Variants in TP53BP2 observed in about 807,000 individuals in gnomAD.
TP53BP2 encodes apoptosis-stimulating of p53 protein 2.
A neutral mutation model predicts 126.2 loss-of-function variants in TP53BP2; 62 were observed. The ratio of observed to expected loss-of-function variants is 0.49; its 90% CI spans 0.40 to 0.61. The LOEUF (loss-of-function observed/expected upper bound fraction) is 0.61, where lower values mean the gene tolerates loss of function less well. Ranked by LOEUF, TP53BP2 falls within the 20% of genes least tolerant of loss-of-function variation. The pLI is 0.00. For missense variants in TP53BP2, 1,215 were observed against 1,402.8 expected (o/e 0.87, Z 2.14); for synonymous variants, 485 against 502.9 (o/e 0.96, Z 0.48).
chr1:223,798,160 C>T (rs1185875146), intron 12 of TP53BP2, 55 bp downstream of exon 12: 3 of 1,525,636 alleles, frequency 2.0e-6, no homozygotes, highest in Non-Finnish European at 2.7e-6. Context: ...TGAGGGATGG[C>T]TTAAGTTCTG....
chr1:223,837,425 G>C (rs1443313021), intron 1 of TP53BP2, among the ~76,000 whole-genome samples: 1 of 152,078 alleles, frequency 6.6e-6, no homozygotes, highest in African/African-American at 2.4e-5. Context: ...ATAGGAAGGA[G>C]CTTGTGGATA....
At chr1:223,828,140 T>C (rs1382880944) in intron 1 of TP53BP2, among the ~76,000 whole-genome samples, 1 of 152,188 alleles carries the variant, frequency 6.6e-6, no homozygotes, top group African/African-American at 2.4e-5. Context: ...AATAAAACTG[T>C]TAAATCTAAG....
chr1:223,786,064 A>T (rs892834139), intron 16 of TP53BP2, among the ~76,000 whole-genome samples: 1 of 152,180 alleles, frequency 6.6e-6, no homozygotes, highest in East Asian at 1.9e-4. Flanking sequence ...ATAAAAAGAT[A>T]AACTGTGCAG....
rs1662345811 is a variant in TP53BP2 at position 223,796,913 on chromosome 1, CA to C, written c.1949-324del. On this transcript the variant is annotated intron_variant, in intron 12 of 17. Coordinates refer to ENST00000343537, the MANE Select transcript of TP53BP2 (RefSeq NM_001031685.3). This position sits in a 1 kb window ranked among gnomAD's most constrained non-coding sequence, Gnocchi z 4.2. ...ACAAAATGTGAAAAACATTTAGATG[CA>C]ATGAAAACAGATAATCCTCATGTGT... Among the ~76,000 whole-genome samples, 3 of 152,132 alleles carry C rather than the reference CA, an allele frequency of 2.0e-5. No individual in the cohort carries two copies.
At chr1:223,793,262 ACT>A (rs1371972169) in intron 14 of TP53BP2, 39 bp downstream of exon 14, 2 of 1,442,900 alleles carry the variant, frequency 1.4e-6, no homozygotes, top group Admixed American at 2.4e-5. Context: ...ACAGAGCGAG[ACT>A]CTGACTCAAA....
chr1:223,797,398 A>AAT (rs143672993), intron 12 of TP53BP2, among the ~76,000 whole-genome samples: 16,476 of 150,804 alleles, frequency 0.11, 1,042 homozygotes, highest in African/African-American at 0.18. Flanking sequence ...TACAGTAGAG[A>AAT]ATATATATAT....
intron 3 of TP53BP2, among the ~76,000 whole-genome samples, chr1:223,811,739 A>G (rs1662913385): frequency 6.6e-6 from 1 of 152,218 alleles, no homozygotes; most frequent in East Asian, 1.9e-4. Flanking sequence ...CTTAATCGAG[A>G]GGTCTAGACC....
At chr1:223,837,872 C>A (rs954789549) in intron 1 of TP53BP2, among the ~76,000 whole-genome samples, 3 of 152,086 alleles carry the variant, frequency 2.0e-5, no homozygotes, top group Admixed American at 6.6e-5. Context: ...GCTGACAGGT[C>A]TTTTGCTTCG....
chr1:223,820,086 G>C (rs1663247679), intron 2 of TP53BP2, among the ~76,000 whole-genome samples: 1 of 152,174 alleles, frequency 6.6e-6, no homozygotes, highest in Non-Finnish European at 1.5e-5. Context: ...CTCTCCAGAA[G>C]GAGATTAACA....
chr1:223,836,998 C>G (rs933418852), intron 1 of TP53BP2, among the ~76,000 whole-genome samples: 2 of 152,066 alleles, frequency 1.3e-5, no homozygotes, highest in Non-Finnish European at 2.9e-5. Context: ...ATATCACAAA[C>G]TAAGCAGTTA....
rs185031131 is a variant in TP53BP2 at position 223,794,565 on chromosome 1, A to G, written c.2725-1125T>C. 4.4e-3 allele frequency among the ~76,000 whole-genome samples: 664 copies of G among 152,354 alleles called. 3 individuals carry two copies. Among genetic ancestry groups the G allele is most frequent in the Non-Finnish European group, 7.0e-3 (475 of 68,028 alleles). On this transcript the variant is annotated intron_variant, in intron 13 of 17. Transcript: ENST00000343537. ...AAAAGAAAGTATAATACTTTTACCA[A>G]TTCTAGTTTTCCTTTTTTCTCCTTG... is the stretch of plus-strand genomic sequence containing the variant.
At chr1:223,845,602 A>G (rs972014572) in intron 1 of TP53BP2, 52 bp downstream of exon 1, 135 of 1,514,950 alleles carry the variant, frequency 8.9e-5, no homozygotes, top group Non-Finnish European at 1.1e-4. Context: ...AGCCCCCGGC[A>G]CGCGACCCCG....
chr1:223,784,608 T>C (rs1321155983), intron 16 of TP53BP2, among the ~76,000 whole-genome samples: 1 of 152,152 alleles, frequency 6.6e-6, no homozygotes, highest in East Asian at 1.9e-4. Context: ...ACAAAACTTT[T>C]GCAAGCTTAG....
In TP53BP2 at chr1:223,795,200, C is replaced by T. The variant is rs961757276; in HGVS notation, c.2724+615G>A. On this transcript the variant is annotated intron_variant, in intron 13 of 17. Coordinates refer to ENST00000343537, the MANE Select transcript of TP53BP2 (RefSeq NM_001031685.3). ...ACATACAAAATCTTAGAATAACTTT[C>T]GTATGTTAAAGTACAAAGAAATCTT... 5.9e-5 allele frequency among the ~76,000 whole-genome samples: 9 copies of T among 152,278 alleles called. No individual in the cohort carries two copies. In the South Asian group the frequency reaches 1.9e-3, roughly 32 times the overall value.
chr1:223,814,212 C>G, intron 3 of TP53BP2, 28 bp downstream of exon 3: 1 of 1,523,436 alleles, frequency 6.6e-7, no homozygotes, highest in Non-Finnish European at 9.1e-7. Context: ...GCTTAAATAT[C>G]TGTCACGATT....
intron 1 of TP53BP2, among the ~76,000 whole-genome samples, chr1:223,825,282 T>C: frequency 6.6e-6 from 1 of 152,172 alleles, no homozygotes; most frequent in East Asian, 1.9e-4. Context: ...GATTGCATTT[T>C]ACAGATGAAA....
chr1:223,796,143 T>G lies in TP53BP2; in HGVS notation c.2396A>C (p.His799Pro), dbSNP rs756240234. The G allele has an allele frequency of 1.2e-6, 2 of 1,614,192 alleles. No homozygotes were observed. The highest frequency in any genetic ancestry group is 1.7e-6 in the Non-Finnish European group (2 of 1,180,030). Residue 799 changes from histidine to proline, a missense_variant, in exon 13 of 18, where the codon CAT (histidine) becomes CCT (proline). Around this residue, in one of 4 missense-constraint regions of TP53BP2, gnomAD observed 204 missense variants for 225.7 expected, o/e 0.90. Transcript: ENST00000343537. This position sits in a 1 kb window ranked among gnomAD's most constrained non-coding sequence, Gnocchi z 4.2. ...GACCACCTCCTTTTCGGGCTCCACA[T>G]GTAAATATGGATTCTGGATTTCTAC... is the stretch of plus-strand genomic sequence containing the variant. ...SPVEIQNPYL[H>P]VEPEKEVVSL... is the part of the protein sequence containing the mutation.
chr1:223,833,768 C>T (rs1211582070), intron 1 of TP53BP2, among the ~76,000 whole-genome samples: 1 of 152,124 alleles, frequency 6.6e-6, no homozygotes, highest in Non-Finnish European at 1.5e-5. Flanking sequence ...TTCATTCACC[C>T]GTTAGTACTT....
intron 1 of TP53BP2, among the ~76,000 whole-genome samples, chr1:223,841,440 C>A (rs78569518): frequency 3.2e-4 from 49 of 152,228 alleles, no homozygotes; most frequent in Admixed American, 1.2e-3. Flanking sequence ...AAAAAGAATT[C>A]TTTCAGACCA....
Sources: gnomAD v4.1 joint callset for allele counts (sites outside exome capture counted in the v4.1 genomes callset) on GRCh38, gnomAD v4.1.1 for gene constraint, gnomAD v4.1.1 regional missense constraint, Gnocchi (gnomAD v3.1) non-coding constraint, MANE v1.5 for transcripts, NCBI Gene and HGNC (gene_info 2026-07-23, HGNC 2026-07-21) for gene names.